Variants in MTNAP1 observed in about 807,000 individuals in gnomAD.
MTNAP1 encodes mitochondrial nucleoid-associated protein 1.
chr17:73,245,057 C>CT, the MTNAP1 span: 2 of 998,614 alleles, frequency 2.0e-6, no homozygotes, highest in Non-Finnish European at 3.0e-6. Context: ...GCTTAATACT[C>CT]TATTTCTAAA....
chr17:73,243,138 G>T, the MTNAP1 span: 40 of 731,476 alleles, frequency 5.5e-5, no homozygotes, highest in Non-Finnish European at 5.4e-5. Flanking sequence ...TGGTGAATGA[G>T]CTATTGCCTG....
the MTNAP1 span, chr17:73,236,465 T>TG: frequency 6.2e-7 from 1 of 1,614,154 alleles, no homozygotes; most frequent in Non-Finnish European, 8.5e-7. Flanking sequence ...CGGACTGTCA[T>TG]GAGCCATGGC....
chr17:73,242,420 CTG>C, the MTNAP1 span: 5 of 1,096,172 alleles, frequency 4.6e-6, no homozygotes, highest in South Asian at 7.8e-5. Flanking sequence ...TCTCTTCGGG[CTG>C]TTAAGCAAGG....
chr17:73,244,559 C>CAAAAAAAAAAAAAAAAAAAAAAA, the MTNAP1 span: 1 of 77,278 alleles, frequency 1.3e-5, no homozygotes. Flanking sequence ...AACTGCATCT[C>CAAAAAAAAAAAAAAAAAAAAAAA]AAAAAAAAAA....
At chr17:73,234,223 G>A in the MTNAP1 span, among the ~76,000 whole-genome samples, 2 of 152,060 alleles carry the variant, frequency 1.3e-5, no homozygotes. Context: ...AAGAATAAGA[G>A]ATGTAGAAAG....
At chr17:73,235,858 A>G in the MTNAP1 span, 1 of 1,614,194 alleles carries the variant, frequency 6.2e-7, no homozygotes. Context: ...GTTAAAAAAT[A>G]CTAAACCAAT....
the MTNAP1 span, chr17:73,242,969 C>T: frequency 2.0e-5 from 32 of 1,613,624 alleles, no homozygotes; most frequent in Middle Eastern, 1.6e-4. Context: ...CAGGATACTT[C>T]GTCCTGTGTT....
the MTNAP1 span, chr17:73,245,230 G>C: frequency 6.2e-7 from 1 of 1,612,330 alleles, no homozygotes; most frequent in Non-Finnish European, 8.5e-7. Context: ...GAACAGCAAA[G>C]GGCGTACAGT....
the MTNAP1 span, chr17:73,237,041 T>G: frequency 2.0e-6 from 3 of 1,476,008 alleles, no homozygotes; most frequent in Non-Finnish European, 2.7e-6. Flanking sequence ...TCCAAAATGC[T>G]CTCTCTGCCT....
At chr17:73,247,475 T>C in the MTNAP1 span, 1 of 791,854 alleles carries the variant, frequency 1.3e-6, no homozygotes, top group Non-Finnish European at 2.1e-6. Flanking sequence ...CCCTCAAGGT[T>C]ATCAGGAGCA....
the MTNAP1 span, chr17:73,243,151 G>A: frequency 2.8e-6 from 2 of 708,402 alleles, no homozygotes; most frequent in Non-Finnish European, 5.0e-6. Context: ...ATTGCCTGGG[G>A]TTTCTGGGTT....
chr17:73,247,483 G>A, the MTNAP1 span: 1 of 734,358 alleles, frequency 1.4e-6, no homozygotes. Context: ...GTTATCAGGA[G>A]CATTTGTATC....
At chr17:73,239,819 C>T in the MTNAP1 span, among the ~76,000 whole-genome samples, 4 of 152,248 alleles carry the variant, frequency 2.6e-5, no homozygotes, top group East Asian at 7.7e-4. Context: ...CCAGGCCTGG[C>T]CTGAGCTTCA....
chr17:73,245,200 G>A, the MTNAP1 span: 11 of 1,613,414 alleles, frequency 6.8e-6, no homozygotes, highest in African/African-American at 6.7e-5. Context: ...GTGTTGACCT[G>A]GACATCACTT....
At chr17:73,245,829 A>G in the MTNAP1 span, 2 of 620,728 alleles carry the variant, frequency 3.2e-6, no homozygotes, top group Non-Finnish European at 4.0e-6. Flanking sequence ...AATTGAGTAT[A>G]ATAATGAACC....
At chr17:73,243,010 C>T in the MTNAP1 span, 3 of 1,602,672 alleles carry the variant, frequency 1.9e-6, no homozygotes, top group Admixed American at 3.4e-5. Context: ...CTGAGTAAGT[C>T]TTTCTATATT....
At chr17:73,241,576 A>G in the MTNAP1 span, among the ~76,000 whole-genome samples, 1 of 152,250 alleles carries the variant, frequency 6.6e-6, no homozygotes, top group African/African-American at 2.4e-5. Flanking sequence ...ACTGTGGGCA[A>G]GTCACAATCA....
chr17:73,248,151 A>T, the MTNAP1 span: 12 of 260,006 alleles, frequency 4.6e-5, no homozygotes, highest in Non-Finnish European at 8.2e-5. Flanking sequence ...TTTTTCGCTC[A>T]TGTATGCAAA....
At chr17:73,236,390 G>T in the MTNAP1 span, 8 of 1,614,116 alleles carry the variant, frequency 5.0e-6, no homozygotes, top group Non-Finnish European at 6.8e-6. Context: ...CTTACCCTGG[G>T]AGTAGAGACG....
Sources: gnomAD v4.1 joint callset for allele counts (sites outside exome capture counted in the v4.1 genomes callset) on GRCh38, gnomAD v4.1.1 for gene constraint, MANE v1.5 for transcripts, NCBI Gene and HGNC (gene_info 2026-07-23, HGNC 2026-07-21) for gene names.